KIF20B: variants seen among roughly 807,000 people sequenced by gnomAD.
The protein encoded by KIF20B is kinesin family member 20B.
Under a neutral mutation model 232.5 loss-of-function variants are expected in KIF20B, and 188 were observed. That is an observed-to-expected ratio of 0.81 (90% CI 0.72 to 0.91). The LOEUF (loss-of-function observed/expected upper bound fraction) is 0.91, where lower values mean the gene tolerates loss of function less well. Among genes scored for constraint, KIF20B ranks in the 40% least tolerant of loss-of-function variants. KIF20B has a pLI of 0.00. For missense variants in KIF20B, 2,154 were observed against 2,055.9 expected (o/e 1.05, Z -0.92); for synonymous variants, 712 against 683.0 (o/e 1.04, Z -0.66).
chr10:89,752,711 T>C lies in KIF20B; in HGVS notation c.4347+20T>C, dbSNP rs1842046415. On this transcript the variant is annotated intron_variant, in intron 25 of 32. Transcript: ENST00000371728. ...TTACAGGTATGACTTTATGTATGTT[T>C]TTATGTATGAATGTATCTGTCTTCA... 1 of 1,497,142 alleles carries C rather than the reference T, an allele frequency of 6.7e-7. No individual in the cohort carries two copies. 92.7% of individuals were successfully genotyped at this position (1,497,142 alleles called of 1,614,324 possible).
chr10:89,745,809 C>T (rs768615371), intron 22 of KIF20B, 90 bp from the exon 23 acceptor site: 2 of 833,210 alleles, frequency 2.4e-6, no homozygotes, highest in Non-Finnish European at 4.0e-6. Context: ...TGATTTCAAA[C>T]TTAATATTGA....
chr10:89,723,881 T>C, intron 13 of KIF20B, 83 bp from the exon 14 acceptor site: 1 of 1,084,700 alleles, frequency 9.2e-7, no homozygotes, highest in Non-Finnish European at 1.2e-6. Context: ...AAATGTAAAG[T>C]TTTATTTTTT....
chr10:89,758,171 T>A (rs1842169451), intron 26 of KIF20B, among the ~76,000 whole-genome samples: 1 of 152,058 alleles, frequency 6.6e-6, no homozygotes, highest in Non-Finnish European at 1.5e-5. Context: ...TTTTACTCTC[T>A]AGATCTATTT....
At chr10:89,741,361 G>A (rs1841790148) in intron 21 of KIF20B, among the ~76,000 whole-genome samples, 1 of 152,192 alleles carries the variant, frequency 6.6e-6, no homozygotes, top group African/African-American at 2.4e-5. Context: ...CTGCTGTGTG[G>A]CCCAGTTCCT....
At position 89,739,066 on chromosome 10, in the gene KIF20B, C is replaced by T. The variant is rs1841735832; in HGVS notation, c.3885C>T (p.Ala1295=). 6.2e-7 allele frequency: 1 copy of T among 1,612,416 alleles called. No homozygotes were observed. Among genetic ancestry groups the T allele is most frequent in the Non-Finnish European group, 8.5e-7 (1 of 1,179,366 alleles). The change falls in exon 21 of 33, where the codon GCC becomes GCT. Residue 1295 remains alanine (A), a synonymous_variant. Transcript: ENST00000371728. ...ACCTGAAAGAGAAACTGACTGATGC[C>T]AAAAAGCAGATTAAGCAAGTACAGA... The part of the protein sequence containing the change: ...YADLKEKLTD[A]KKQIKQVQKE...
intron 26 of KIF20B, among the ~76,000 whole-genome samples, chr10:89,757,238 A>T (rs1298755467): frequency 6.6e-6 from 1 of 151,722 alleles, no homozygotes; most frequent in East Asian, 1.9e-4. Flanking sequence ...AATGGTTTTA[A>T]TGTGCTTTTC....
rs550005489 is a variant in KIF20B at position 89,760,734 on chromosome 10, A to T, written c.4791+98A>T. The T allele has an allele frequency of 6.9e-6, 5 of 719,726 alleles. No homozygotes were observed. In the African/African-American group the frequency reaches 8.9e-5, roughly 13 times the overall value. The allele number at this position is 719,726 out of a possible 1,614,324, so 44.6% of individuals were successfully genotyped here. A position where few individuals can be genotyped will look rare whatever the true frequency, so the allele number is the denominator to read the frequency against. ...GTTGCTGAAGATACCTTACTGCACAATTAGCTGTGTGTGCTCTGGGCTGTG... is the reference window on the plus strand; with the variant it reads ...GTTGCTGAAGATACCTTACTGCACATTTAGCTGTGTGTGCTCTGGGCTGTG... On this transcript the variant is annotated intron_variant, in intron 28 of 32. Coordinates refer to ENST00000371728, the MANE Select transcript of KIF20B (RefSeq NM_001284259.2).
intron 31 of KIF20B, 99 bp downstream of exon 31, chr10:89,768,987 T>A (rs974625952): frequency 9.1e-6 from 9 of 989,744 alleles, no homozygotes; most frequent in Non-Finnish European, 1.3e-5. Context: ...CAGGGAATAT[T>A]ATACTTCAAA....
intron 7 of KIF20B, among the ~76,000 whole-genome samples, chr10:89,714,649 C>G (rs1398991774): frequency 6.6e-6 from 1 of 152,048 alleles, no homozygotes; most frequent in East Asian, 1.9e-4. Flanking sequence ...TTACAGATAT[C>G]CCTTTTACTG....
At chr10:89,711,328 A>G (rs1376779077) in intron 6 of KIF20B, among the ~76,000 whole-genome samples, 183 bp downstream of exon 6, 1 of 152,210 alleles carries the variant, frequency 6.6e-6, no homozygotes, top group Non-Finnish European at 1.5e-5. Context: ...TTATACCAAC[A>G]GCAAGAATGT....
intron 29 of KIF20B, among the ~76,000 whole-genome samples, chr10:89,767,895 C>G (rs1842395404): frequency 6.6e-6 from 1 of 151,870 alleles, no homozygotes; most frequent in Non-Finnish European, 1.5e-5. Context: ...AAAAGATATT[C>G]CTTCCATGTT....
chr10:89,709,382 T>C lies in KIF20B; in HGVS notation c.272T>C (p.Leu91Pro), dbSNP rs201328071. 20 of 1,613,444 alleles carry C rather than the reference T, an allele frequency of 1.2e-5. No homozygotes were observed. The highest frequency in any genetic ancestry group is 1.7e-5 in the Non-Finnish European group (20 of 1,179,680). Residue 91 changes from leucine to proline, a missense_variant, in exon 4 of 33, where the codon CTG becomes CCG. Transcript: ENST00000371728. ...ATTCTGGATTCACAGACTGTTGTGC[T>C]GAAAGAGCCTCAATGCATCCTTGGT... ...VHILDSQTVV[L>P]KEPQCILGRL... is the part of the protein sequence containing the mutation.
chr10:89,734,757 A>G lies in KIF20B; in HGVS notation c.2545+1701A>G, dbSNP rs183276758. ...CCTGTGAGAGGCAGGCTAAAACTTA[A>G]TGGGTTTGAATTTCATAACTACAAG... On this transcript the variant is annotated intron_variant, in intron 19 of 32. Coordinates refer to ENST00000371728, the MANE Select transcript of KIF20B (RefSeq NM_001284259.2). 3.0e-3 allele frequency among the ~76,000 whole-genome samples: 463 copies of G among 152,326 alleles called. 9 individuals are homozygous for G. The highest frequency in any genetic ancestry group is 0.022 in the East Asian group (116 of 5,196).
At chr10:89,712,180 A>G (rs1842847794) in intron 6 of KIF20B, among the ~76,000 whole-genome samples, 1 of 152,098 alleles carries the variant, frequency 6.6e-6, no homozygotes, top group Non-Finnish European at 1.5e-5. Flanking sequence ...TTAATGTATT[A>G]GTGTATGGGT....
intron 2 of KIF20B, among the ~76,000 whole-genome samples, chr10:89,705,700 A>T (rs1479751417): frequency 6.6e-6 from 1 of 152,198 alleles, no homozygotes; most frequent in East Asian, 1.9e-4. Context: ...TATTTACTAC[A>T]TCCGTTGTGG....
chr10:89,702,627 C>G (rs1241650215), intron 1 of KIF20B, among the ~76,000 whole-genome samples: 1 of 152,118 alleles, frequency 6.6e-6, no homozygotes, highest in Non-Finnish European at 1.5e-5. Context: ...TCACCAAAGT[C>G]TCCAATTGTG....
intron 23 of KIF20B, among the ~76,000 whole-genome samples, chr10:89,749,949 T>C (rs965478482): frequency 1.3e-5 from 2 of 152,198 alleles, no homozygotes; most frequent in African/African-American, 4.8e-5. Flanking sequence ...TTCACTATGA[T>C]TGCTCATAAC....
At position 89,772,818 on chromosome 10, in the gene KIF20B, T is replaced by A. The variant is rs1180920788; in HGVS notation, c.5372T>A (p.Ile1791Lys). 2 of 1,608,022 alleles carry A rather than the reference T, an allele frequency of 1.2e-6. No individual in the cohort carries two copies. Among genetic ancestry groups the A allele is most frequent in the Non-Finnish European group, 1.7e-6 (2 of 1,177,412 alleles). The change falls in exon 32 of 33, where the codon ATA becomes AAA. Residue 1791 changes from isoleucine to lysine, a missense_variant. Transcript: ENST00000371728. ...AGTGAAATTTCATCTCCTATTGATA[T>A]ATCAGGCCAAGTGGTAAGCTAGTAT... ...YTSEISSPID[I>K]SGQVILMDQK...
At chr10:89,735,237 G>C (rs1036927405) in intron 19 of KIF20B, among the ~76,000 whole-genome samples, 1 of 152,066 alleles carries the variant, frequency 6.6e-6, no homozygotes, top group African/African-American at 2.4e-5. Context: ...AAGATTATTT[G>C]TTTTCTATAC....
Sources: gnomAD v4.1 joint callset for allele counts (sites outside exome capture counted in the v4.1 genomes callset) on GRCh38, gnomAD v4.1.1 for gene constraint, MANE v1.5 for transcripts, NCBI Gene and HGNC (gene_info 2026-07-23, HGNC 2026-07-21) for gene names.